The following CALN1 variants were observed in gnomAD, a reference collection of about 807,000 sequenced individuals.
CALN1 encodes calneuron 1, also known as calcium-binding protein 8.
A neutral mutation model predicts 30.6 loss-of-function variants in CALN1; 17 were observed. The observed-to-expected ratio is 0.56, with a 90% CI of 0.38 to 0.83. The LOEUF (loss-of-function observed/expected upper bound fraction) is 0.83, where lower values mean the gene tolerates loss of function less well. Ranked by LOEUF, CALN1 falls within the 40% of genes least tolerant of loss-of-function variation. The pLI is 0.00. For synonymous variants in CALN1, 156 were observed against 131.4 expected, an observed-to-expected ratio of 1.19 and a Z score of -1.28; for missense variants, 291 against 354.9, an observed-to-expected ratio of 0.82 and a Z score of 1.45.
At chr7:72,158,075 A>G (rs1787835660) in intron 3 of CALN1, among the ~76,000 whole-genome samples, 1 of 152,164 alleles carries the variant, frequency 6.6e-6, no homozygotes. Context: ...AGATTCACAG[A>G]ATCAGATTTA....
At chr7:72,445,456 C>A (rs1229266949) in intron 1 of CALN1, among the ~76,000 whole-genome samples, 1 of 152,180 alleles carries the variant, frequency 6.6e-6, no homozygotes, top group Non-Finnish European at 1.5e-5. Flanking sequence ...AAACCTCCAA[C>A]GCCACCCTCC....
chr7:72,442,084 C>T (rs1043324152), intron 1 of CALN1, among the ~76,000 whole-genome samples: 1 of 152,160 alleles, frequency 6.6e-6, no homozygotes, highest in African/African-American at 2.4e-5. Flanking sequence ...CCCATCAACA[C>T]ATCCCATTGC....
At chr7:72,292,236 G>A (rs1165729431) in intron 2 of CALN1, among the ~76,000 whole-genome samples, 4 of 151,794 alleles carry the variant, frequency 2.6e-5, no homozygotes, top group Admixed American at 2.0e-4. Flanking sequence ...AAGCCTGGAA[G>A]GCCAAAATCA....
intron 1 of CALN1, among the ~76,000 whole-genome samples, chr7:72,430,976 T>C (rs1482710114): frequency 2.7e-5 from 4 of 150,658 alleles, no homozygotes; most frequent in Non-Finnish European, 4.4e-5. Context: ...TTTTTTTTTT[T>C]TTTTTTTTTG....
At chr7:72,165,858 T>G (rs771385672) in intron 3 of CALN1, among the ~76,000 whole-genome samples, 3 of 152,102 alleles carry the variant, frequency 2.0e-5, no homozygotes, top group Non-Finnish European at 4.4e-5. Flanking sequence ...TGCATTGCAC[T>G]GCATTTTATC....
intron 5 of CALN1, among the ~76,000 whole-genome samples, chr7:71,976,794 C>A (rs1022732518): frequency 1.3e-5 from 2 of 152,152 alleles, no homozygotes; most frequent in African/African-American, 4.8e-5. Context: ...TCGATTGGAA[C>A]CAAGATGGCT....
chr7:72,122,678 A>T (rs1343914927), intron 3 of CALN1, among the ~76,000 whole-genome samples: 5 of 152,142 alleles, frequency 3.3e-5, no homozygotes, highest in African/African-American at 1.2e-4. Context: ...GTGAACTGTG[A>T]TCACGCCGCT....
At chr7:72,145,800 T>G (rs1786666657) in intron 3 of CALN1, among the ~76,000 whole-genome samples, 1 of 152,212 alleles carries the variant, frequency 6.6e-6, no homozygotes, top group African/African-American at 2.4e-5. Context: ...ATCCCTGGGA[T>G]GCAAGGCTGG....
intron 3 of CALN1, among the ~76,000 whole-genome samples, chr7:72,275,108 A>G (rs1256530459): frequency 6.6e-6 from 1 of 152,094 alleles, no homozygotes; most frequent in Non-Finnish European, 1.5e-5. Context: ...ATTCACAAGC[A>G]GAAGGCTGCA....
Position 72,245,114 on chromosome 7 carries a change from G to A in CALN1, c.244+33572C>T, listed in dbSNP as rs536331104. 2.7e-4 allele frequency among the ~76,000 whole-genome samples: 41 copies of A among 152,282 alleles called. No individual in the cohort carries two copies. The South Asian group carries it at 5.0e-3, about 18-fold the overall frequency. On this transcript the variant is annotated intron_variant, in intron 3 of 6. Transcript: ENST00000395275. The stretch of plus-strand genomic sequence containing the variant: ...GAGGAAAATATTCAAATGAGGTGAC[G>A]TAGACAGAACAATCCCCGCTGGAGG...
At chr7:72,275,928 C>T (rs1797303746) in intron 3 of CALN1, among the ~76,000 whole-genome samples, 2 of 152,256 alleles carry the variant, frequency 1.3e-5, no homozygotes, top group South Asian at 4.1e-4. Context: ...TGCACCCCCA[C>T]AGTAGCCCTG....
At chr7:72,268,795 A>ACACACACAAACACACG (rs1796763142) in intron 3 of CALN1, among the ~76,000 whole-genome samples, 2 of 133,502 alleles carry the variant, frequency 1.5e-5, no homozygotes, top group Admixed American at 1.4e-4. Context: ...AGACCCTGCC[A>ACACACACAAACACACG]CACACACACA....
chr7:72,323,057 G>GAAA (rs1175341621), intron 2 of CALN1, among the ~76,000 whole-genome samples: 1 of 122,080 alleles, frequency 8.2e-6, no homozygotes, highest in Non-Finnish European at 1.8e-5. Context: ...AAACCACACA[G>GAAA]AAAAAAAAAA....
rs977679447 is a variant in CALN1, at chr7:72,184,782, C to CT, written c.245-78489dup. Among the ~76,000 whole-genome samples, 75 of 148,970 alleles carry CT rather than the reference C, an allele frequency of 5.0e-4. No homozygotes were observed. The East Asian group carries it at 6.3e-3, about 13-fold the overall frequency. On this transcript the variant is annotated intron_variant, in intron 3 of 6. Transcript: ENST00000395275. ...GGAGGAATCAGCCCAACCAAGACAT[C>CT]TTTTTTTTTTCTTTTTCTTATTTTT...
chr7:71,816,018 C>A (rs1048450766), intron 5 of CALN1, among the ~76,000 whole-genome samples: 2 of 149,178 alleles, frequency 1.3e-5, no homozygotes, highest in Admixed American at 6.7e-5. Flanking sequence ...TGACACCAGA[C>A]CTGGCTAATT....
At chr7:72,139,721 C>T (rs1272505324) in intron 3 of CALN1, among the ~76,000 whole-genome samples, 1 of 152,192 alleles carries the variant, frequency 6.6e-6, no homozygotes, top group East Asian at 1.9e-4. Context: ...GCTCCTCGGT[C>T]ACCTCCACCC....
At chr7:72,390,887 T>A (rs1805537168) in intron 2 of CALN1, among the ~76,000 whole-genome samples, 1 of 152,222 alleles carries the variant, frequency 6.6e-6, no homozygotes, top group Admixed American at 6.5e-5. Flanking sequence ...TTACCTCAAG[T>A]ATTCTATTTT....
chr7:72,007,989 T>C (rs1799867669), intron 5 of CALN1, among the ~76,000 whole-genome samples: 1 of 152,122 alleles, frequency 6.6e-6, no homozygotes, highest in Non-Finnish European at 1.5e-5. Flanking sequence ...TTGAGACAAA[T>C]GTTAACACTA....
intron 2 of CALN1, among the ~76,000 whole-genome samples, chr7:72,343,357 G>C (rs149880020): frequency 1.3e-5 from 2 of 152,170 alleles, no homozygotes; most frequent in Non-Finnish European, 2.9e-5. Flanking sequence ...GACTAGCCTG[G>C]TCAACATGGT....
Sources: allele counts gnomAD v4.1 joint callset (sites outside exome capture counted in the v4.1 genomes callset), GRCh38; gene constraint gnomAD v4.1.1; transcripts MANE v1.5; gene names NCBI Gene and HGNC (gene_info 2026-07-23, HGNC 2026-07-21).